Variants in LRFN5 observed in about 807,000 individuals in gnomAD.
LRFN5 encodes the protein leucine rich repeat and fibronectin type III domain containing 5.
LRFN5 carries 24 observed loss-of-function variants against 45.6 expected under a neutral mutation model. The ratio of observed to expected loss-of-function variants is 0.53; its 90% CI spans 0.38 to 0.74. LRFN5 has a LOEUF of 0.74. Among genes scored for constraint, LRFN5 ranks in the 30% least tolerant of loss-of-function variants. The probability of loss-of-function intolerance (pLI) is 0.00; values close to 1 mark genes in which losing one functional copy is unlikely to be tolerated. For missense variants in LRFN5, 776 were observed against 861.5 expected (o/e 0.90, Z 1.24); for synonymous variants, 340 against 313.8 (o/e 1.08, Z -0.88).
chr14:41,802,043 AT>A (rs1196398455), intron 2 of LRFN5, among the ~76,000 whole-genome samples: 1 of 152,048 alleles, frequency 6.6e-6, no homozygotes, highest in African/African-American at 2.4e-5. Flanking sequence ...TAAGGTGGAA[AT>A]TTTTTGCAAC....
intron 2 of LRFN5, among the ~76,000 whole-genome samples, chr14:41,851,005 G>T (rs775742333): frequency 4.0e-5 from 6 of 151,806 alleles, no homozygotes; most frequent in Admixed American, 2.6e-4. Context: ...TAGTAATAAC[G>T]AATAAACTAT....
chr14:41,802,300 T>C (rs183093724), intron 2 of LRFN5, among the ~76,000 whole-genome samples: 8 of 152,080 alleles, frequency 5.3e-5, no homozygotes, highest in East Asian at 3.9e-4. Context: ...GGGATGGGAA[T>C]TGGGAGATGG....
intron 2 of LRFN5, among the ~76,000 whole-genome samples, chr14:41,822,929 A>T (rs1888170246): frequency 1.5e-5 from 2 of 133,792 alleles, no homozygotes; most frequent in South Asian, 2.6e-4. Context: ...AATGTTGTTG[A>T]TTTAAAGTCT....
chr14:41,643,644 A>G (rs1201490821), intron 1 of LRFN5, among the ~76,000 whole-genome samples: 1 of 151,908 alleles, frequency 6.6e-6, no homozygotes, highest in Non-Finnish European at 1.5e-5. Flanking sequence ...TCTATAAACT[A>G]TTTTTCCTGG....
At chr14:41,648,200 C>T (rs1438886505) in intron 1 of LRFN5, among the ~76,000 whole-genome samples, 1 of 151,890 alleles carries the variant, frequency 6.6e-6, no homozygotes, top group Non-Finnish European at 1.5e-5. Flanking sequence ...TTTCAGAAGG[C>T]TCTAGTATGG....
intron 2 of LRFN5, among the ~76,000 whole-genome samples, chr14:41,781,049 A>C (rs1044609255): frequency 6.6e-6 from 1 of 152,150 alleles, no homozygotes; most frequent in Non-Finnish European, 1.5e-5. Flanking sequence ...TATTATTACT[A>C]TTTGTACTTC....
intron 2 of LRFN5, among the ~76,000 whole-genome samples, chr14:41,788,735 A>G (rs1200787500): frequency 6.6e-6 from 1 of 152,016 alleles, no homozygotes; most frequent in Non-Finnish European, 1.5e-5. Flanking sequence ...ATAGAGATTC[A>G]AAGTCCTTTT....
At chr14:41,847,442 C>G (rs1206439353) in intron 2 of LRFN5, among the ~76,000 whole-genome samples, 4 of 152,116 alleles carry the variant, frequency 2.6e-5, no homozygotes, top group Non-Finnish European at 5.9e-5. Flanking sequence ...AAGTTCCTAA[C>G]ATCATGCATA....
intron 1 of LRFN5, among the ~76,000 whole-genome samples, chr14:41,751,276 A>G (rs1387294802): frequency 6.6e-6 from 1 of 152,182 alleles, no homozygotes; most frequent in African/African-American, 2.4e-5. Context: ...GCTCTTGTTA[A>G]TAAAGTTCGG....
intron 1 of LRFN5, among the ~76,000 whole-genome samples, chr14:41,675,851 CT>C (rs1214345117): frequency 6.6e-6 from 1 of 152,086 alleles, no homozygotes; most frequent in Non-Finnish European, 1.5e-5. Flanking sequence ...TGATAATCAC[CT>C]AAAGCCTGTG....
chr14:41,779,188 G>A (rs1260431595), intron 2 of LRFN5, among the ~76,000 whole-genome samples: 2 of 151,730 alleles, frequency 1.3e-5, no homozygotes, highest in African/African-American at 2.4e-5. Context: ...CTAGTTGGCT[G>A]AGAATTTTTA....
At chr14:41,827,844 T>C (rs897854711) in intron 2 of LRFN5, among the ~76,000 whole-genome samples, 1 of 152,172 alleles carries the variant, frequency 6.6e-6, no homozygotes, top group African/African-American at 2.4e-5. Context: ...CTAGTTCTCA[T>C]TTACATCTTT....
At chr14:41,835,967 A>G (rs764130007) in intron 2 of LRFN5, among the ~76,000 whole-genome samples, 2 of 151,698 alleles carry the variant, frequency 1.3e-5, no homozygotes, top group Admixed American at 6.6e-5. Context: ...GTGGCTTTCA[A>G]TTATCCTCAG....
chr14:41,875,270 C>T (rs1890150368), intron 2 of LRFN5, among the ~76,000 whole-genome samples: 2 of 152,260 alleles, frequency 1.3e-5, no homozygotes, highest in Non-Finnish European at 2.9e-5. Context: ...AACAAAAATT[C>T]ATTTTAGGGA....
intron 4 of LRFN5, chr14:41,894,962 A>T (rs985780069): frequency 1.0e-6 from 1 of 973,226 alleles, no homozygotes; most frequent in African/African-American, 1.8e-5. Flanking sequence ...TATGAAGATT[A>T]TATATACATA....
intron 1 of LRFN5, among the ~76,000 whole-genome samples, chr14:41,708,081 T>C (rs1883139326): frequency 6.6e-6 from 1 of 152,078 alleles, no homozygotes; most frequent in Non-Finnish European, 1.5e-5. Context: ...AAACAGATGA[T>C]GAATTAAGTA....
chr14:41,670,356 G>A (rs978879204), intron 1 of LRFN5, among the ~76,000 whole-genome samples: 3 of 141,238 alleles, frequency 2.1e-5, no homozygotes, highest in Non-Finnish European at 4.6e-5. Context: ...TATTAAAGGT[G>A]ATACATGACA....
chr14:41,867,721 G>GA (rs1241449724), intron 2 of LRFN5, among the ~76,000 whole-genome samples: 2 of 152,008 alleles, frequency 1.3e-5, no homozygotes, highest in East Asian at 3.9e-4. Flanking sequence ...AGAATTGGCT[G>GA]AAAAAATCTC....
intron 1 of LRFN5, among the ~76,000 whole-genome samples, chr14:41,620,299 T>C (rs908334293): frequency 1.3e-5 from 2 of 152,234 alleles, no homozygotes; most frequent in Admixed American, 1.3e-4. Context: ...ACGTCTCAAA[T>C]AATATATAGT....
Sources: gnomAD v4.1 joint callset for allele counts (sites outside exome capture counted in the v4.1 genomes callset) on GRCh38, gnomAD v4.1.1 for gene constraint, MANE v1.5 for transcripts, NCBI Gene and HGNC (gene_info 2026-07-23, HGNC 2026-07-21) for gene names.